ACADL: variants seen among roughly 807,000 people sequenced by gnomAD.
The protein encoded by ACADL is acyl-CoA dehydrogenase long chain, also known as long-chain specific acyl-CoA dehydrogenase, mitochondrial.
ACADL carries 60 observed loss-of-function variants against 56.9 expected under a neutral mutation model. The ratio of observed to expected loss-of-function variants is 1.05; its 90% CI spans 0.86 to 1.31. The LOEUF (loss-of-function observed/expected upper bound fraction) is 1.31, where lower values mean the gene tolerates loss of function less well. Among genes scored for constraint, ACADL ranks in the 50% most tolerant of loss-of-function variants. ACADL has a pLI of 0.00. For missense variants in ACADL, 484 were observed against 525.5 expected, an observed-to-expected ratio of 0.92 and a Z score of 0.77; for synonymous variants, 158 against 179.7, an observed-to-expected ratio of 0.88 and a Z score of 0.97.
At chr2:210,223,934 G>A (rs1689220365) in intron 1 of ACADL, among the ~76,000 whole-genome samples, 1 of 152,134 alleles carries the variant, frequency 6.6e-6, no homozygotes, top group Admixed American at 6.5e-5. Context: ...TTGAGGTCCT[G>A]TTTAAGAGCA....
intron 4 of ACADL, among the ~76,000 whole-genome samples, chr2:210,210,532 A>G (rs369481020): frequency 6.6e-6 from 1 of 152,230 alleles, no homozygotes; most frequent in African/African-American, 2.4e-5. Flanking sequence ...CTAACATTCG[A>G]GACCCCAGTG....
chr2:210,215,941 A>G (rs1182791716), intron 4 of ACADL, among the ~76,000 whole-genome samples: 3 of 152,198 alleles, frequency 2.0e-5, no homozygotes, highest in Non-Finnish European at 4.4e-5. Flanking sequence ...TAACCAGCAA[A>G]TAACTGAATA....
chr2:210,220,038 A>T (rs1272115411), intron 2 of ACADL, among the ~76,000 whole-genome samples: 1 of 152,088 alleles, frequency 6.6e-6, no homozygotes, highest in East Asian at 1.9e-4. Context: ...TAACATAATA[A>T]CGGTGCCGAG....
rs1378610224 is a variant in ACADL, at chr2:210,195,295, A to G, written c.1028T>C (p.Val343Ala). 6.2e-7 allele frequency: 1 copy of G among 1,613,720 alleles called. No individual in the cohort carries two copies. Among genetic ancestry groups the G allele is most frequent in the South Asian group, 1.1e-5 (1 of 91,080 alleles). The change falls in exon 9 of 11, where the codon GTA (valine) becomes GCA (alanine). Residue 343 changes from valine to alanine, a missense_variant. By Grantham distance (64) the Val-to-Ala change is moderately conservative. Coordinates refer to ENST00000233710, the MANE Select transcript of ACADL (RefSeq NM_001608.4). ...KLAELKTHIC[V>A]TRAFVDNCLQ... is the part of the protein sequence containing the mutation. ...ACAGTTGTCCACAAATGCTCGGGTT[A>G]CACATATATGTGTTTTTAATTCTGC...
At chr2:210,210,516 G>A (rs1226180505) in intron 4 of ACADL, among the ~76,000 whole-genome samples, 1 of 152,124 alleles carries the variant, frequency 6.6e-6, no homozygotes, top group East Asian at 1.9e-4. Flanking sequence ...GTATAACAAA[G>A]CCCAACTAAC....
rs914340849 is a variant in ACADL, at chr2:210,204,627, C to T, written c.824G>A (p.Gly275Glu). The change falls in exon 7 of 11, where the codon GGA becomes GAA. Residue 275 changes from glycine (G) to glutamate (E), a missense_variant. Physicochemically the swap from Gly to Glu is moderately conservative, Grantham distance 98. Coordinates refer to ENST00000233710, the MANE Select transcript of ACADL (RefSeq NM_001608.4). ...DIRLPASALL[G>E]EENKGFYYIM... ...GTAATAGAAGCCTTTATTCTCTTCT[C>T]CAAGTAGGGCACTAGCTGGCAACCG... 1 of 1,613,178 alleles carries T rather than the reference C, an allele frequency of 6.2e-7. No homozygotes were observed. The highest frequency in any genetic ancestry group is 8.5e-7 in the Non-Finnish European group (1 of 1,179,350).
At chr2:210,193,324 C>T (rs1002398334) in intron 9 of ACADL, among the ~76,000 whole-genome samples, 9 of 152,062 alleles carry the variant, frequency 5.9e-5, no homozygotes, top group East Asian at 1.9e-4. Context: ...TTGAAGATCA[C>T]GATTCTGAAT....
chr2:210,199,848 G>A (rs145472457), intron 8 of ACADL, among the ~76,000 whole-genome samples: 2,576 of 152,100 alleles, frequency 0.017, 80 homozygotes, highest in African/African-American at 0.059. Context: ...GGGCTCAAGC[G>A]ATCCTCCCAC....
At chr2:210,214,403 G>T (rs1689038849) in intron 4 of ACADL, among the ~76,000 whole-genome samples, 1 of 149,462 alleles carries the variant, frequency 6.7e-6, no homozygotes, top group East Asian at 2.0e-4. Context: ...TGGGCTCTTT[G>T]CTCATCTCTC....
At chr2:210,216,209 G>A (rs550066070) in intron 4 of ACADL, 138 bp downstream of exon 4, 44 of 893,596 alleles carry the variant, frequency 4.9e-5, no homozygotes, top group Middle Eastern at 2.2e-4. Flanking sequence ...GTTATTTTCC[G>A]ACTTGAGGTC....
intron 4 of ACADL, among the ~76,000 whole-genome samples, chr2:210,212,166 T>C (rs1261650817): frequency 1.3e-5 from 2 of 151,668 alleles, no homozygotes; most frequent in African/African-American, 4.9e-5. Context: ...CTCTCTGTAT[T>C]AGGCTGAATA....
chr2:210,196,166 C>G (rs1475352621), intron 8 of ACADL, among the ~76,000 whole-genome samples: 1 of 152,016 alleles, frequency 6.6e-6, no homozygotes, highest in East Asian at 1.9e-4. Context: ...CGCTGTTTTG[C>G]CTGCTACCAT....
In ACADL at chr2:210,200,192, G is replaced by A. The variant is rs911487469; in HGVS notation, c.984+3139C>T. Among the ~76,000 whole-genome samples the A allele has an allele frequency of 5.3e-5, 8 of 152,154 alleles. No homozygotes were observed. In the East Asian group the frequency reaches 5.8e-4, roughly 11 times the overall value. ...ACACTTCCTTCATATTGCCAGGAGC[G>A]TAGTATGTGTTTCTAGAGTTACACC... On this transcript the variant is annotated intron_variant, in intron 8 of 10. Transcript: ENST00000233710.
chr2:210,207,699 C>T (rs2125713572), intron 5 of ACADL, among the ~76,000 whole-genome samples: 1 of 152,212 alleles, frequency 6.6e-6, no homozygotes, highest in East Asian at 1.9e-4. Context: ...CTCCCATCAC[C>T]TAAAATGCAC....
intron 8 of ACADL, among the ~76,000 whole-genome samples, chr2:210,197,014 G>A (rs1405028086): frequency 1.3e-5 from 2 of 152,260 alleles, no homozygotes; most frequent in East Asian, 3.9e-4. Context: ...GTCATTGTTG[G>A]TTGGGACAGT....
intron 2 of ACADL, 104 bp downstream of exon 2, chr2:210,220,543 C>T: frequency 6.7e-6 from 7 of 1,043,976 alleles, no homozygotes; most frequent in Non-Finnish European, 8.9e-6. Flanking sequence ...GTTAATAAAG[C>T]CCTGAACATA....
chr2:210,220,014 C>G (rs964205549), intron 2 of ACADL, among the ~76,000 whole-genome samples: 3 of 152,030 alleles, frequency 2.0e-5, no homozygotes, highest in African/African-American at 7.2e-5. Context: ...TACTAATCTT[C>G]TAATTTCTGC....
Position 210,218,078 on chromosome 2 carries a change from A to G in ACADL, c.258T>C (p.Ser86=), listed in dbSNP as rs200172344. Residue 86 remains serine, a synonymous_variant, in exon 3 of 11, where the codon AGT becomes AGC. Transcript: ENST00000233710. ...TTCCAGCTTTTTCCCAAACCTCCCT[A>G]CTTACTTCTCCAGCTTTCTCCCATC... The part of the protein sequence containing the change: ...HSEWEKAGEV[S]REVWEKAGKQ... The G allele has an allele frequency of 3.1e-6, 5 of 1,613,786 alleles. No individual in the cohort carries two copies. The East Asian group carries it at 1.1e-4, about 36-fold the overall frequency.
In ACADL at chr2:210,204,670, G is replaced by T; in HGVS notation, c.781C>A (p.Leu261Ile). ...MGLKAQDTAE[L>I]FFEDIRLPAS... Reference sequence around the variant, plus strand: ...GGCAACCGTATATCTTCAAAGAATAGTTCTGCGGTATCCTAAGAGACCATA... The same window carrying T: ...GGCAACCGTATATCTTCAAAGAATATTTCTGCGGTATCCTAAGAGACCATA... Residue 261 changes from leucine to isoleucine, a missense_variant, in exon 7 of 11, where the codon CTA becomes ATA. By Grantham distance (5) the Leu-to-Ile change is conservative. Transcript: ENST00000233710. 1 of 1,609,166 alleles carries T rather than the reference G, an allele frequency of 6.2e-7. No homozygotes were observed.
Sources: allele counts gnomAD v4.1 joint callset (sites outside exome capture counted in the v4.1 genomes callset), GRCh38; gene constraint gnomAD v4.1.1; transcripts MANE v1.5; gene names NCBI Gene and HGNC (gene_info 2026-07-23, HGNC 2026-07-21).